ARL3: variants seen among roughly 807,000 people sequenced by gnomAD.
The protein encoded by ARL3 is ARF like GTPase 3, also known as ADP-ribosylation factor-like protein 3.
ARL3 carries 9 observed loss-of-function variants against 26.0 expected under a neutral mutation model. The observed-to-expected ratio is 0.35, with a 90% CI of 0.21 to 0.60. The LOEUF is 0.60. Among genes scored for constraint, ARL3 ranks in the 20% least tolerant of loss-of-function variants. ARL3 has a pLI of 0.78. For synonymous variants in ARL3, 71 were observed against 78.4 expected (o/e 0.91, Z 0.50); for missense variants, 158 against 215.7 (o/e 0.73, Z 1.67).
At chr10:102,688,748 CCA>C (rs1191283766) in intron 4 of ARL3, among the ~76,000 whole-genome samples, 1 of 152,092 alleles carries the variant, frequency 6.6e-6, no homozygotes, top group Non-Finnish European at 1.5e-5. Context: ...AGTGATCTGC[CCA>C]CCTCAGCCTC....
At chr10:102,685,249 CAAAAAAAAAA>C (rs66482677) in intron 5 of ARL3, among the ~76,000 whole-genome samples, 1 of 105,446 alleles carries the variant, frequency 9.5e-6, no homozygotes, top group African/African-American at 4.2e-5. Context: ...AACTCCGTCT[CAAAAAAAAAA>C]AAAAAAAAAA....
chr10:102,674,582 G>A lies in ARL3; in HGVS notation c.*2312C>T, dbSNP rs1217825052. 6.6e-6 allele frequency: 1 copy of A among 152,138 alleles called. No homozygotes were observed. The highest frequency in any genetic ancestry group is 1.5e-5 in the Non-Finnish European group (1 of 68,060). The allele number at this position is 152,138 out of a possible 1,614,324, so 9.4% of individuals were successfully genotyped here. The stretch of plus-strand genomic sequence containing the variant: ...CTGGGGACAGGAGGAGGGGAAAAGG[G>A]GTCTTCCCTTTCCAGCTTCAAATTC... On this transcript the variant is annotated 3_prime_UTR_variant, in exon 6 of 6. Coordinates refer to ENST00000260746, the MANE Select transcript of ARL3 (RefSeq NM_004311.4).
At chr10:102,686,046 A>G (rs985399042) in intron 4 of ARL3, 45 bp from the exon 5 acceptor site, 1 of 1,465,890 alleles carries the variant, frequency 6.8e-7, no homozygotes, top group Admixed American at 2.0e-5. Flanking sequence ...AAATCTATAC[A>G]TCTATGATAT....
intron 3 of ARL3, among the ~76,000 whole-genome samples, chr10:102,694,038 A>T (rs1352368580): frequency 6.6e-6 from 1 of 151,950 alleles, no homozygotes; most frequent in Non-Finnish European, 1.5e-5. Context: ...CCCAGGCTGG[A>T]GTGCAGTGGT....
At chr10:102,709,052 G>A (rs2064324984) in intron 1 of ARL3, among the ~76,000 whole-genome samples, 1 of 150,904 alleles carries the variant, frequency 6.6e-6, no homozygotes, top group African/African-American at 2.4e-5. Context: ...CTATAGATGT[G>A]TACAACCGCA....
At chr10:102,709,228 A>C (rs974799173) in intron 1 of ARL3, among the ~76,000 whole-genome samples, 20 of 151,988 alleles carry the variant, frequency 1.3e-4, no homozygotes, top group Non-Finnish European at 2.2e-4. Flanking sequence ...TCAAAGTTTA[A>C]AATTAATGTT....
chr10:102,697,243 A>G (rs1055883284), intron 3 of ARL3, among the ~76,000 whole-genome samples: 2 of 151,338 alleles, frequency 1.3e-5, no homozygotes, highest in African/African-American at 4.9e-5. Context: ...GCAGTGGCGC[A>G]ATCTTGGCTC....
chr10:102,696,243 C>T (rs1340165424), intron 3 of ARL3, among the ~76,000 whole-genome samples: 1 of 150,012 alleles, frequency 6.7e-6, no homozygotes, highest in Admixed American at 6.7e-5. Flanking sequence ...GGATTACAAG[C>T]GTTAGCCACA....
At chr10:102,678,974 C>T (rs1046626978) in intron 5 of ARL3, among the ~76,000 whole-genome samples, 5 of 152,232 alleles carry the variant, frequency 3.3e-5, no homozygotes, top group South Asian at 2.1e-4. Flanking sequence ...AGCTGACCCC[C>T]GGCCTGGGCC....
chr10:102,676,802 AT>A lies in ARL3; in HGVS notation c.*91del. On this transcript the variant is annotated 3_prime_UTR_variant, in exon 6 of 6. Coordinates refer to ENST00000260746, the MANE Select transcript of ARL3 (RefSeq NM_004311.4). ...TTCAAACAGCTGGAGCTGTACACAGATGGAAAAACATTTGGTCAGAAAGCAG... is the reference window on the plus strand; with the variant it reads ...TTCAAACAGCTGGAGCTGTACACAGAGGAAAAACATTTGGTCAGAAAGCAG... The A allele has an allele frequency of 7.4e-7, 1 of 1,359,518 alleles. No homozygotes were observed. The highest frequency in any genetic ancestry group is 1.2e-5 in the South Asian group (1 of 84,192). 84.2% of individuals were successfully genotyped at this position (1,359,518 alleles called of 1,614,324 possible).
intron 2 of ARL3, among the ~76,000 whole-genome samples, chr10:102,703,482 C>T (rs1197938189): frequency 1.2e-4 from 14 of 116,910 alleles, no homozygotes; most frequent in African/African-American, 3.7e-4. Context: ...CTCGCTCTGT[C>T]GCCCAGGCTG....
intron 1 of ARL3, among the ~76,000 whole-genome samples, 168 bp from the exon 2 acceptor site, chr10:102,705,657 G>A (rs926101686): frequency 3.9e-5 from 6 of 152,024 alleles, no homozygotes; most frequent in African/African-American, 1.2e-4. Flanking sequence ...TCCAAGTTTC[G>A]GTAGAAGTGC....
intron 1 of ARL3, among the ~76,000 whole-genome samples, chr10:102,713,751 C>T (rs1429506792): frequency 2.6e-5 from 4 of 152,194 alleles, no homozygotes; most frequent in African/African-American, 7.2e-5. Flanking sequence ...CTTCCCTACC[C>T]CCCAGGGGCC....
chr10:102,711,153 G>A (rs2064336657), intron 1 of ARL3, among the ~76,000 whole-genome samples: 1 of 152,056 alleles, frequency 6.6e-6, no homozygotes, highest in Non-Finnish European at 1.5e-5. Flanking sequence ...AATCCAAACT[G>A]TGTCTTCTTT....
chr10:102,683,747 T>TGTCTACGGTGGTTACACAGCCAGG (rs1462470647), intron 5 of ARL3, among the ~76,000 whole-genome samples: 11 of 152,164 alleles, frequency 7.2e-5, no homozygotes, highest in Non-Finnish European at 1.6e-4. Flanking sequence ...TGAAGGGCAC[T>TGTCTACGGTGGTTACACAGCCAGG]GTCTACGGTG....
chr10:102,696,613 C>T (rs1030486017), intron 3 of ARL3, among the ~76,000 whole-genome samples: 3 of 152,168 alleles, frequency 2.0e-5, no homozygotes, highest in African/African-American at 7.2e-5. Flanking sequence ...GCTTACCTTA[C>T]AGTGCAAGAG....
chr10:102,685,919 G>C lies in ARL3; in HGVS notation c.398C>G (p.Ala133Gly). 6.2e-7 allele frequency: 1 copy of C among 1,614,186 alleles called. No individual in the cohort carries two copies. Among genetic ancestry groups the C allele is most frequent in the Non-Finnish European group, 8.5e-7 (1 of 1,180,046 alleles). ...IFANKQDLLT[A>G]APASEIAEGL... is the part of the protein sequence containing the mutation. ...TTCTGCAATTTCAGAGGCAGGGGCTGCTGTGAGCAAATCCTGCTTATTAGC... is the reference window on the plus strand; with the variant it reads ...TTCTGCAATTTCAGAGGCAGGGGCTCCTGTGAGCAAATCCTGCTTATTAGC... The change falls in exon 5 of 6, where the codon GCA becomes GGA. Residue 133 changes from alanine to glycine, a missense_variant. Coordinates refer to ENST00000260746, the MANE Select transcript of ARL3 (RefSeq NM_004311.4).
chr10:102,695,907 T>C (rs1176962683), intron 3 of ARL3, among the ~76,000 whole-genome samples: 1 of 151,970 alleles, frequency 6.6e-6, no homozygotes, highest in Non-Finnish European at 1.5e-5. Flanking sequence ...TATCTCATCT[T>C]ATCTTAGAGA....
chr10:102,681,426 A>G (rs2064155863), intron 5 of ARL3, among the ~76,000 whole-genome samples: 1 of 151,818 alleles, frequency 6.6e-6, no homozygotes, highest in Non-Finnish European at 1.5e-5. Flanking sequence ...TCTGTGGCAT[A>G]TTAGGGACAA....
Sources: gnomAD v4.1 joint callset for allele counts (sites outside exome capture counted in the v4.1 genomes callset) on GRCh38, gnomAD v4.1.1 for gene constraint, MANE v1.5 for transcripts, NCBI Gene and HGNC (gene_info 2026-07-23, HGNC 2026-07-21) for gene names.